TSPAN15: variants seen among roughly 807,000 people sequenced by gnomAD.
The protein encoded by TSPAN15 is tetraspanin-15.
A neutral mutation model predicts 34.5 loss-of-function variants in TSPAN15; 20 were observed. The ratio of observed to expected loss-of-function variants is 0.58; its 90% CI spans 0.41 to 0.84. The LOEUF is 0.84. Ranked by LOEUF, TSPAN15 falls within the 40% of genes least tolerant of loss-of-function variation. TSPAN15 has a pLI of 0.00. For missense variants in TSPAN15, 313 were observed against 386.1 expected (o/e 0.81, Z 1.59); for synonymous variants, 155 against 153.9 (o/e 1.01, Z -0.05).
At chr10:69,518,462 T>C in the TSPAN15 span, among the ~76,000 whole-genome samples, 1 of 152,222 alleles carries the variant, frequency 6.6e-6, no homozygotes, top group Non-Finnish European at 1.5e-5. Context: ...TCTCGCTCTG[T>C]CACTAAGGTG....
At chr10:69,537,198 T>G in the TSPAN15 span, among the ~76,000 whole-genome samples, 5 of 152,160 alleles carry the variant, frequency 3.3e-5, no homozygotes, top group Non-Finnish European at 7.3e-5. Flanking sequence ...AGGACCAGGC[T>G]GCAGGGCAAC....
rs1043198925 is a variant in TSPAN15 at position 69,507,391 on chromosome 10, T to G, written c.*413T>G. The G allele has an allele frequency of 9.0e-6, 11 of 1,224,366 alleles. No individual in the cohort carries two copies. Among genetic ancestry groups the G allele is most frequent in the Non-Finnish European group, 1.0e-5 (10 of 960,482 alleles). 75.8% of individuals were successfully genotyped at this position (1,224,366 alleles called of 1,614,324 possible). A position where few individuals can be genotyped will look rare whatever the true frequency, so the allele number is the denominator to read the frequency against. The stretch of plus-strand genomic sequence containing the variant: ...CCCCTCGGGGCAGGAGGGAAGGGCA[T>G]CTGGGGAAGGGCAGGAGGGAAGAGC... On this transcript the variant is annotated 3_prime_UTR_variant, in exon 8 of 8. Transcript: ENST00000373290.
chr10:69,470,568 A>G (rs1424242220), intron 1 of TSPAN15, among the ~76,000 whole-genome samples: 1 of 152,004 alleles, frequency 6.6e-6, no homozygotes, highest in African/African-American at 2.4e-5. Flanking sequence ...TCCCACCTGC[A>G]TCTCCCAGTC....
At chr10:69,492,985 A>C (rs1323531410) in intron 3 of TSPAN15, among the ~76,000 whole-genome samples, 1 of 152,080 alleles carries the variant, frequency 6.6e-6, no homozygotes, top group Non-Finnish European at 1.5e-5. Flanking sequence ...CCCTGGCGGC[A>C]CCCCATGAGT....
chr10:69,515,354 G>A, the TSPAN15 span, among the ~76,000 whole-genome samples: 2 of 152,114 alleles, frequency 1.3e-5, no homozygotes, highest in Non-Finnish European at 2.9e-5. Context: ...CTAGTCAGCA[G>A]GTCGCCAGGG....
chr10:69,530,787 TCTC>T, the TSPAN15 span, among the ~76,000 whole-genome samples: 17 of 51,824 alleles, frequency 3.3e-4, 2 homozygotes, highest in East Asian at 6.4e-3. Flanking sequence ...AGACTCTCTC[TCTC>T]TCTCTCTCTC....
At chr10:69,526,900 G>A in the TSPAN15 span, among the ~76,000 whole-genome samples, 1 of 146,652 alleles carries the variant, frequency 6.8e-6, no homozygotes, top group African/African-American at 2.5e-5. Context: ...CAGCCACTCT[G>A]AAAAACAGTC....
intron 3 of TSPAN15, among the ~76,000 whole-genome samples, chr10:69,490,117 CTG>C (rs1189265424): frequency 1.3e-5 from 2 of 152,304 alleles, no homozygotes; most frequent in East Asian, 3.9e-4. Context: ...CTACCTGACA[CTG>C]TGGTCAGGGA....
downstream of TSPAN15, among the ~76,000 whole-genome samples, chr10:69,509,952 AC>A (rs1440595332): frequency 6.6e-6 from 1 of 152,196 alleles, no homozygotes; most frequent in East Asian, 1.9e-4. Context: ...CTGTTTTGGT[AC>A]CAGTACCATG....
At chr10:69,522,816 G>T in the TSPAN15 span, among the ~76,000 whole-genome samples, 1 of 147,884 alleles carries the variant, frequency 6.8e-6, no homozygotes, top group African/African-American at 2.5e-5. Context: ...GTGCCAAAAA[G>T]GTTGGGGACC....
chr10:69,507,648 CAT>C lies in TSPAN15; in HGVS notation c.*671_*672del, dbSNP rs1372562834. On this transcript the variant is annotated 3_prime_UTR_variant, in exon 8 of 8. Transcript: ENST00000373290. ...CAGTTTGTTAATCAAACAATAAAAACATGTTTTTTTTTTTTTTTTTTTTTTGC... is the reference window on the plus strand; with the variant it reads ...CAGTTTGTTAATCAAACAATAAAAACGTTTTTTTTTTTTTTTTTTTTTTGC... The C allele has an allele frequency of 3.0e-5, 28 of 931,600 alleles. No homozygotes were observed. Among genetic ancestry groups the C allele is most frequent in the Non-Finnish European group, 3.4e-5 (24 of 703,290 alleles). The allele number at this position is 931,600 out of a possible 1,614,324, so 57.7% of individuals were successfully genotyped here. A position where few individuals can be genotyped will look rare whatever the true frequency, so the allele number is the denominator to read the frequency against.
the TSPAN15 span, among the ~76,000 whole-genome samples, chr10:69,525,894 C>T: frequency 6.9e-6 from 1 of 145,820 alleles, no homozygotes; most frequent in African/African-American, 2.5e-5. Flanking sequence ...TATTAAGCTC[C>T]TATCTGATGT....
the TSPAN15 span, among the ~76,000 whole-genome samples, chr10:69,524,294 C>T: frequency 6.8e-6 from 1 of 146,718 alleles, no homozygotes; most frequent in Non-Finnish European, 1.5e-5. Context: ...CATGGTGAAA[C>T]CCGTCTCTAC....
chr10:69,493,058 G>A (rs1486390915), intron 3 of TSPAN15, among the ~76,000 whole-genome samples: 1 of 152,144 alleles, frequency 6.6e-6, no homozygotes, highest in Non-Finnish European at 1.5e-5. Context: ...CACCCTGGGT[G>A]GCAGACTGGC....
chr10:69,527,944 A>G, the TSPAN15 span, among the ~76,000 whole-genome samples: 8 of 148,212 alleles, frequency 5.4e-5, 1 homozygote, highest in East Asian at 2.0e-3. Flanking sequence ...TGAATATACT[A>G]AAAACCATTG....
chr10:69,471,276 T>A (rs571314088), intron 1 of TSPAN15, among the ~76,000 whole-genome samples: 179 of 151,866 alleles, frequency 1.2e-3, no homozygotes, highest in Middle Eastern at 3.7e-3. Flanking sequence ...GGCTCTTGTA[T>A]CTAGAACCAC....
intron 5 of TSPAN15, 56 bp downstream of exon 5, chr10:69,498,452 A>G: frequency 2.1e-6 from 3 of 1,427,506 alleles, no homozygotes; most frequent in Non-Finnish European, 3.0e-6. Context: ...GGTGGTATAA[A>G]TGTTCTCTTT....
chr10:69,474,959 G>A (rs775766787), intron 1 of TSPAN15, among the ~76,000 whole-genome samples: 4 of 152,128 alleles, frequency 2.6e-5, no homozygotes, highest in East Asian at 1.9e-4. Flanking sequence ...GGGCCTGGCC[G>A]GAGGTCCACC....
At chr10:69,539,482 G>GAGAAGGAGAAGAAGAAGA in the TSPAN15 span, among the ~76,000 whole-genome samples, 1 of 67,030 alleles carries the variant, frequency 1.5e-5, no homozygotes, top group Non-Finnish European at 2.9e-5. Flanking sequence ...GAAGGAGAAG[G>GAGAAGGAGAAGAAGAAGA]AGAAGAAGAA....
Sources: gnomAD v4.1 joint callset for allele counts (sites outside exome capture counted in the v4.1 genomes callset) on GRCh38, gnomAD v4.1.1 for gene constraint, MANE v1.5 for transcripts, NCBI Gene and HGNC (gene_info 2026-07-23, HGNC 2026-07-21) for gene names.